CSMD1: variants seen among roughly 807,000 people sequenced by gnomAD.
CSMD1 encodes CUB and sushi domain-containing protein 1.
CSMD1 carries 213 observed loss-of-function variants against 417.5 expected under a neutral mutation model. The ratio of observed to expected loss-of-function variants is 0.51; its 90% CI spans 0.46 to 0.57. The LOEUF (loss-of-function observed/expected upper bound fraction) is 0.57. Ranked by LOEUF, CSMD1 falls within the 20% of genes least tolerant of loss-of-function variation. The probability of loss-of-function intolerance (pLI) is 0.00; values close to 1 mark genes in which losing one functional copy is unlikely to be tolerated. For missense variants in CSMD1, 6,923 were observed against 4,529.7 expected, an observed-to-expected ratio of 1.53 and a Z score of -15.17; for synonymous variants, 2,862 against 1,736.8, an observed-to-expected ratio of 1.65 and a Z score of -16.11.
At chr8:3,859,473 G>T (rs1395544387) in intron 5 of CSMD1, among the ~76,000 whole-genome samples, 3 of 152,162 alleles carry the variant, frequency 2.0e-5, no homozygotes, top group African/African-American at 7.2e-5. Context: ...TGGTTTCTGG[G>T]AGGAGAATCT....
At chr8:4,366,090 A>G (rs1802052847) in intron 3 of CSMD1, among the ~76,000 whole-genome samples, 1 of 151,784 alleles carries the variant, frequency 6.6e-6, no homozygotes, top group Admixed American at 6.6e-5. Flanking sequence ...TACCCTCCCC[A>G]CTCAGGTAGT....
intron 1 of CSMD1, among the ~76,000 whole-genome samples, chr8:4,986,697 A>G (rs969698399): frequency 6.6e-6 from 1 of 152,158 alleles, no homozygotes; most frequent in African/African-American, 2.4e-5. Context: ...AGGAGCTTGA[A>G]TCTCTGTTTT....
rs139039640 is a variant in CSMD1 at position 4,539,286 on chromosome 8, T to A, written c.302+98056A>T. Among the ~76,000 whole-genome samples, 296 of 152,326 alleles carry A rather than the reference T, an allele frequency of 1.9e-3. 1 individual carries two copies. The highest frequency in any genetic ancestry group is 6.7e-3 in the African/African-American group (278 of 41,572). ...CAGTATTTCTGGAAGATAGTATGCA[T>A]ATGTGGGATGTAAAATATATCTTTT... On this transcript the variant is annotated intron_variant, in intron 2 of 69. Coordinates refer to ENST00000635120, the MANE Select transcript of CSMD1 (RefSeq NM_033225.6).
At chr8:4,861,715 A>G (rs888596204) in intron 1 of CSMD1, among the ~76,000 whole-genome samples, 1 of 152,116 alleles carries the variant, frequency 6.6e-6, no homozygotes, top group African/African-American at 2.4e-5. Flanking sequence ...TTTGCTTTAA[A>G]TATGGCATAC....
At chr8:3,802,692 T>A (rs1372992146) in intron 5 of CSMD1, among the ~76,000 whole-genome samples, 1 of 152,162 alleles carries the variant, frequency 6.6e-6, no homozygotes, top group Non-Finnish European at 1.5e-5. Flanking sequence ...CAAAACGCAA[T>A]AAAATATAGT....
chr8:3,203,115 C>A (rs1247505613), intron 31 of CSMD1, among the ~76,000 whole-genome samples: 1 of 152,094 alleles, frequency 6.6e-6, no homozygotes, highest in African/African-American at 2.4e-5. Context: ...TAGCTGACAT[C>A]CACCTCATAC....
chr8:3,002,854 T>C (rs1807532552), intron 52 of CSMD1, among the ~76,000 whole-genome samples: 1 of 152,242 alleles, frequency 6.6e-6, no homozygotes, highest in South Asian at 2.1e-4. Flanking sequence ...CATGGTCATT[T>C]CGGTTCTCTG....
rs537809625 is a variant in CSMD1, at chr8:3,823,044, T to C, written c.819-69002A>G. ...AACATAATTCGGCATCAGTAGTTTATGATTTCTATGGTTCCGGAAGAGATT... is the reference window on the plus strand; with the variant it reads ...AACATAATTCGGCATCAGTAGTTTACGATTTCTATGGTTCCGGAAGAGATT... On this transcript the variant is annotated intron_variant, in intron 5 of 69. Coordinates refer to ENST00000635120, the MANE Select transcript of CSMD1 (RefSeq NM_033225.6). 3.9e-4 allele frequency among the ~76,000 whole-genome samples: 59 copies of C among 152,316 alleles called. 1 individual carries two copies. In the South Asian group the frequency reaches 7.9e-3, roughly 20 times the overall value.
intron 5 of CSMD1, among the ~76,000 whole-genome samples, chr8:3,910,338 G>A (rs561999119): frequency 3.9e-5 from 6 of 152,218 alleles, no homozygotes; most frequent in African/African-American, 1.2e-4. Context: ...GCAAACTGAC[G>A]ACAGGGTGGC....
chr8:4,317,423 G>T (rs947140817), intron 3 of CSMD1, among the ~76,000 whole-genome samples: 1 of 152,140 alleles, frequency 6.6e-6, no homozygotes, highest in East Asian at 1.9e-4. Flanking sequence ...ACCAGTTAGT[G>T]TATCTCTGTT....
intron 64 of CSMD1, among the ~76,000 whole-genome samples, chr8:2,954,495 C>T (rs7827494): frequency 0.34 from 50,915 of 151,866 alleles, 10,452 homozygotes; most frequent in Non-Finnish European, 0.45. Context: ...CATCTATCTA[C>T]GTATATTTCC....
intron 1 of CSMD1, among the ~76,000 whole-genome samples, chr8:4,803,138 C>A (rs1285724939): frequency 6.6e-6 from 1 of 152,136 alleles, no homozygotes; most frequent in Non-Finnish European, 1.5e-5. Context: ...TTTGCCCATA[C>A]AATGGACTAT....
At chr8:3,254,681 C>G (rs1259687985) in intron 26 of CSMD1, among the ~76,000 whole-genome samples, 1 of 152,192 alleles carries the variant, frequency 6.6e-6, no homozygotes, top group African/African-American at 2.4e-5. Flanking sequence ...GAGACTTGTG[C>G]ATTTGTCACT....
intron 3 of CSMD1, among the ~76,000 whole-genome samples, chr8:4,036,889 A>T (rs748292247): frequency 1.1e-4 from 16 of 152,016 alleles, no homozygotes; most frequent in Non-Finnish European, 1.9e-4. Flanking sequence ...CCATATCCCA[A>T]AGATGACCAT....
chr8:4,379,829 C>T (rs1421439846), intron 3 of CSMD1, among the ~76,000 whole-genome samples: 1 of 152,184 alleles, frequency 6.6e-6, no homozygotes, highest in Non-Finnish European at 1.5e-5. Flanking sequence ...GTACTGTTTG[C>T]TGAAAAAGTG....
rs777979526 is a variant in CSMD1 at position 3,409,394 on chromosome 8, G to A, written c.1744+29C>T. The A allele has an allele frequency of 6.3e-6, 10 of 1,578,072 alleles. No individual in the cohort carries two copies. In the East Asian group the frequency reaches 1.6e-4, roughly 25 times the overall value. On this transcript the variant is annotated intron_variant, in intron 13 of 69. Transcript: ENST00000635120. Reference sequence around the variant, plus strand: ...CTTGCAAGATCCTTGCAGGACAGGAGGGAGTCCAGGTCAAGGCATAATACT... The same window carrying A: ...CTTGCAAGATCCTTGCAGGACAGGAAGGAGTCCAGGTCAAGGCATAATACT...
chr8:4,425,227 A>T (rs572185218), intron 2 of CSMD1, among the ~76,000 whole-genome samples: 1 of 152,186 alleles, frequency 6.6e-6, no homozygotes, highest in Non-Finnish European at 1.5e-5. Context: ...AGGAAGTAGG[A>T]ACAAGATACT....
intron 1 of CSMD1, among the ~76,000 whole-genome samples, chr8:4,680,390 T>A (rs187690761): frequency 6.6e-6 from 1 of 152,182 alleles, no homozygotes; most frequent in Admixed American, 6.5e-5. Flanking sequence ...TCAATACAAG[T>A]GCACTTTCTG....
intron 1 of CSMD1, among the ~76,000 whole-genome samples, chr8:4,869,467 C>T (rs1425582693): frequency 1.3e-5 from 2 of 151,928 alleles, no homozygotes; most frequent in Non-Finnish European, 2.9e-5. Context: ...ATATCTGCAA[C>T]CAGACTATAT....
Sources: gnomAD v4.1 joint callset for allele counts (sites outside exome capture counted in the v4.1 genomes callset) on GRCh38, gnomAD v4.1.1 for gene constraint, MANE v1.5 for transcripts, NCBI Gene and HGNC (gene_info 2026-07-23, HGNC 2026-07-21) for gene names.